The following HYOU1 variants were observed in gnomAD, a reference collection of about 807,000 sequenced individuals.
HYOU1 encodes hypoxia up-regulated 1, also known as hypoxia up-regulated protein 1.
Under a neutral mutation model 120.5 loss-of-function variants are expected in HYOU1, and 40 were observed. The ratio of observed to expected loss-of-function variants is 0.33; its 90% CI spans 0.26 to 0.43. The LOEUF (loss-of-function observed/expected upper bound fraction) is 0.43. HYOU1 is among the 20% of genes least tolerant of loss of function. The pLI, the probability that HYOU1 is intolerant of heterozygous loss-of-function variation, is 1.00. For missense variants in HYOU1, 1,085 were observed against 1,278.3 expected, an observed-to-expected ratio of 0.85 and a Z score of 2.31; for synonymous variants, 501 against 479.4, an observed-to-expected ratio of 1.05 and a Z score of -0.59.
chr11:119,048,263 AAC>A lies in HYOU1; in HGVS notation c.2359_2360del (p.Val787TrpfsTer13). On this transcript the variant is annotated frameshift_variant, in exon 20 of 26. Coordinates refer to ENST00000617285, the MANE Select transcript of HYOU1 (RefSeq NM_006389.5). LOFTEE classifies it high-confidence loss of function. The surrounding 1 kb of genome is among the most constrained non-coding windows in gnomAD (Gnocchi z 4.7). ...GGCCCCTCACCACTGTGGTGGCTCC[AAC>A]ACCCTCATCCTCCAGCCAGGTGGAT... ...AASTWLEDEG[V>X]GATTVMLKEK... 6.2e-7 allele frequency: 1 copy of A among 1,611,438 alleles called. No homozygotes were observed. The highest frequency in any genetic ancestry group is 8.5e-7 in the Non-Finnish European group (1 of 1,179,978).
chr11:119,050,338 G>A (rs1002020570), intron 14 of HYOU1, among the ~76,000 whole-genome samples: 4 of 152,000 alleles, frequency 2.6e-5, no homozygotes, highest in Admixed American at 6.5e-5. Context: ...ACTTGAACCC[G>A]GGAGGCGGAG....
Position 119,051,122 on chromosome 11 carries a change from G to A in HYOU1, c.1578C>T (p.Asp526=). 6.2e-7 allele frequency: 1 copy of A among 1,614,186 alleles called. No homozygotes were observed. Among genetic ancestry groups the A allele is most frequent in the Non-Finnish European group, 8.5e-7 (1 of 1,180,010 alleles). The change falls in exon 14 of 26, where the codon GAC becomes GAT. Residue 526 remains aspartate (D), a synonymous_variant. Coordinates refer to ENST00000617285, the MANE Select transcript of HYOU1 (RefSeq NM_006389.5). The surrounding 1 kb of genome is among the most constrained non-coding windows in gnomAD (Gnocchi z 4.2). The part of the protein sequence containing the change: ...LTTVKLKGVG[D]SFKKYPDYES... ...CGTAGTCAGGATACTTCTTGAAGCT[G>A]TCACCCACCCCTTTTAGCTTCACTG...
rs2133557390 is a variant in HYOU1 at position 119,047,682 on chromosome 11, A to G, written c.2595+52T>C. On this transcript the variant is annotated intron_variant, in intron 22 of 25. Coordinates refer to ENST00000617285, the MANE Select transcript of HYOU1 (RefSeq NM_006389.5). ...GGCTTCATCTCTCCACCTCTCCCAC[A>G]GTACCTAGGATGGCAGCTAAGTATC... The G allele has an allele frequency of 4.0e-5, 58 of 1,457,042 alleles. No homozygotes were observed. In the East Asian group the frequency reaches 1.2e-3, roughly 31 times the overall value. 90.3% of individuals were successfully genotyped at this position (1,457,042 alleles called of 1,614,324 possible).
chr11:119,054,886 G>A, intron 6 of HYOU1, 98 bp downstream of exon 6: 1 of 1,294,962 alleles, frequency 7.7e-7, no homozygotes, highest in Non-Finnish European at 1.1e-6. Context: ...TTCAGATGTT[G>A]CTAAATGTTC....
Position 119,048,217 on chromosome 11 carries a change from T to G in HYOU1, c.2376+31A>C. On this transcript the variant is annotated intron_variant, in intron 20 of 25. Coordinates refer to ENST00000617285, the MANE Select transcript of HYOU1 (RefSeq NM_006389.5). The surrounding 1 kb of genome is among the most constrained non-coding windows in gnomAD (Gnocchi z 4.7). The stretch of plus-strand genomic sequence containing the variant: ...CTGGGAGAGGAAGGAGAGCTCCCAC[T>G]CCACCTGCCATGTCCTGAGAGGCCC... 2 of 1,606,354 alleles carry G rather than the reference T, an allele frequency of 1.2e-6. No homozygotes were observed. The highest frequency in any genetic ancestry group is 8.5e-7 in the Non-Finnish European group (1 of 1,177,088).
chr11:119,046,181 G>T (rs1312144498), intron 24 of HYOU1, among the ~76,000 whole-genome samples: 1 of 151,660 alleles, frequency 6.6e-6, no homozygotes, highest in Non-Finnish European at 1.5e-5. Context: ...GGCCAGGCTG[G>T]TCTCGAACTC....
rs1185020942 is a variant in HYOU1, at chr11:119,052,503, AAGAAT to A, written c.988-79_988-75del. ...TCTTGGTGAGTAGGACAGAAACAAA[AAGAAT>A]AGGTCTTTGGGAGGATGGTAGCGGG... On this transcript the variant is annotated intron_variant, in intron 9 of 25. Coordinates refer to ENST00000617285, the MANE Select transcript of HYOU1 (RefSeq NM_006389.5). This position sits in a 1 kb window ranked among gnomAD's most constrained non-coding sequence, Gnocchi z 5.0. The A allele has an allele frequency of 1.9e-6, 3 of 1,606,530 alleles. No homozygotes were observed. Among genetic ancestry groups the A allele is most frequent in the South Asian group, 1.1e-5 (1 of 90,252 alleles).
chr11:119,054,184 G>A lies in HYOU1; in HGVS notation c.731C>T (p.Thr244Ile), dbSNP rs1365808457. ...GSGSTVCTIV[T>I]YQMVKTKEAG... ...TTCCTTAGTCTTCACCATCTGGTAGGTCACAATGGTGCATACGGTGCTGCC... is the reference window on the plus strand; with the variant it reads ...TTCCTTAGTCTTCACCATCTGGTAGATCACAATGGTGCATACGGTGCTGCC... The change falls in exon 8 of 26, where the codon ACC becomes ATC. Residue 244 changes from threonine (T) to isoleucine (I), a missense_variant. By Grantham distance (89) the Thr-to-Ile change is moderately conservative. This residue lies in a region of HYOU1 where 515 missense variants were observed against 677.8 expected (regional missense o/e 0.76). Transcript: ENST00000617285. 1 of 1,614,084 alleles carries A rather than the reference G, an allele frequency of 6.2e-7. No individual in the cohort carries two copies. Among genetic ancestry groups the A allele is most frequent in the Non-Finnish European group, 8.5e-7 (1 of 1,179,954 alleles).
chr11:119,056,655 TCTC>T (rs1251912902), intron 1 of HYOU1: 1 of 312,834 alleles, frequency 3.2e-6, no homozygotes, highest in African/African-American at 2.2e-5. Flanking sequence ...GAAAGGCCTA[TCTC>T]CTCCTCGGCA....
At chr11:119,047,467 T>G in intron 22 of HYOU1, 1 of 436,486 alleles carries the variant, frequency 2.3e-6, no homozygotes, top group South Asian at 2.4e-5. Flanking sequence ...TGGCCCATGT[T>G]CTGAACCTAG....
Position 119,051,358 on chromosome 11 carries a change from C to T in HYOU1, c.1526+80G>A, listed in dbSNP as rs1450960379. 1.8e-5 allele frequency: 28 copies of T among 1,527,788 alleles called. No individual in the cohort carries two copies. The highest frequency in any genetic ancestry group is 2.4e-5 in the Non-Finnish European group (27 of 1,114,854). The allele number at this position is 1,527,788 out of a possible 1,614,324, so 94.6% of individuals were successfully genotyped here. ...TTCAGCCCCGCAGGCCCACATCCTC[C>T]CTCACCCCCAGTCCTCAGATTATCC... On this transcript the variant is annotated intron_variant, in intron 13 of 25. Transcript: ENST00000617285. This position sits in a 1 kb window ranked among gnomAD's most constrained non-coding sequence, Gnocchi z 4.2.
At chr11:119,046,267 T>A (rs2133548706) in intron 24 of HYOU1, 150 bp downstream of exon 24, 7,145 of 107,720 alleles carry the variant, frequency 0.066, 359 homozygotes, top group African/African-American at 0.39. Context: ...TGCCTGGCCT[T>A]TTTTTTTTTT....
Position 119,044,423 on chromosome 11 carries a change from G to C in HYOU1, c.*1170C>G, listed in dbSNP as rs916654383. ...CACAGCCAGGTTCATTCTTGTCTTGGAGCTGAGGCAGCAGCCCTAGCTCCT... is the reference window on the plus strand; with the variant it reads ...CACAGCCAGGTTCATTCTTGTCTTGCAGCTGAGGCAGCAGCCCTAGCTCCT... On this transcript the variant is annotated 3_prime_UTR_variant, in exon 26 of 26. Transcript: ENST00000617285. 6.6e-6 allele frequency: 1 copy of C among 152,422 alleles called. No homozygotes were observed. The highest frequency in any genetic ancestry group is 6.5e-5 in the Admixed American group (1 of 15,268). The allele number at this position is 152,422 out of a possible 1,614,324, so 9.4% of individuals were successfully genotyped here. A position where few individuals can be genotyped will look rare whatever the true frequency, so the allele number is the denominator to read the frequency against.
At position 119,049,160 on chromosome 11, in the gene HYOU1, C is replaced by T. The variant is rs944041548; in HGVS notation, c.1850G>A (p.Gly617Glu). 4 of 1,611,262 alleles carry T rather than the reference C, an allele frequency of 2.5e-6. No individual in the cohort carries two copies. The African/African-American group carries it at 5.3e-5, about 22-fold the overall frequency. Residue 617 changes from glycine (G) to glutamate (E), a missense_variant, in exon 17 of 26, where the codon GGG becomes GAG. Transcript: ENST00000617285. The stretch of plus-strand genomic sequence containing the variant: ...TTCCTCCTTGAGCTCCACCTGCTCC[C>T]CAGGCTCGTCCTTGCTCCCCTCTGC... ...SPAEGSKDEPGEQVELKEEAE... is the reference protein window; with the variant it reads ...SPAEGSKDEPEEQVELKEEAE...
At position 119,045,496 on chromosome 11, in the gene HYOU1, G is replaced by A. The variant is rs181046821; in HGVS notation, c.*97C>T. On this transcript the variant is annotated 3_prime_UTR_variant, in exon 26 of 26. Coordinates refer to ENST00000617285, the MANE Select transcript of HYOU1 (RefSeq NM_006389.5). Reference sequence around the variant, plus strand: ...CAGGGGTGAGAAAGGAACTCCAGCCGAGGGCAGGACCAACCCCTCCCCCAA... The same window carrying A: ...CAGGGGTGAGAAAGGAACTCCAGCCAAGGGCAGGACCAACCCCTCCCCCAA... 2.1e-5 allele frequency: 22 copies of A among 1,059,338 alleles called. No individual in the cohort carries two copies. Among genetic ancestry groups the A allele is most frequent in the East Asian group, 7.1e-5 (3 of 42,444 alleles). The allele number at this position is 1,059,338 out of a possible 1,614,324, so 65.6% of individuals were successfully genotyped here.
Position 119,055,550 on chromosome 11 carries a change from C to G in HYOU1, c.207G>C (p.Pro69=). ...VLNKESRRKT[P]VIVTLKENER... The stretch of plus-strand genomic sequence containing the variant: ...CATTTTCTTTCAGGGTCACGATCAC[C>G]GGTGTTTTCCTCCGAGATTCCCTGA... The change falls in exon 4 of 26, where the codon CCG becomes CCC. Residue 69 remains proline (P), a synonymous_variant. Coordinates refer to ENST00000617285, the MANE Select transcript of HYOU1 (RefSeq NM_006389.5). The surrounding 1 kb of genome is among the most constrained non-coding windows in gnomAD (Gnocchi z 4.0). 1 of 1,614,052 alleles carries G rather than the reference C, an allele frequency of 6.2e-7. No individual in the cohort carries two copies. The highest frequency in any genetic ancestry group is 8.5e-7 in the Non-Finnish European group (1 of 1,179,982).
At position 119,048,583 on chromosome 11, in the gene HYOU1, T is replaced by C; in HGVS notation, c.2166-20A>G. The C allele has an allele frequency of 1.2e-6, 2 of 1,612,896 alleles. No homozygotes were observed. Among genetic ancestry groups the C allele is most frequent in the Non-Finnish European group, 1.7e-6 (2 of 1,179,226 alleles). On this transcript the variant is annotated intron_variant, in intron 18 of 25. Transcript: ENST00000617285. The surrounding 1 kb of genome is among the most constrained non-coding windows in gnomAD (Gnocchi z 4.7). ...TGAAGTCTATGGGACAAAGGAGGGGTAGGGATGAGGGAGAGGGCAAGTGAG... is the reference window on the plus strand; with the variant it reads ...TGAAGTCTATGGGACAAAGGAGGGGCAGGGATGAGGGAGAGGGCAAGTGAG...
In HYOU1 at chr11:119,044,740, G is replaced by C. The variant is rs1335864071; in HGVS notation, c.*853C>G. On this transcript the variant is annotated 3_prime_UTR_variant, in exon 26 of 26. Transcript: ENST00000617285. The stretch of plus-strand genomic sequence containing the variant: ...GGAGGAGCAGAACAGCAGAAGAGAG[G>C]AGGAGGCAGGGAGTTACAGGAACCT... 5.0e-6 allele frequency: 1 copy of C among 199,674 alleles called. No individual in the cohort carries two copies. Among genetic ancestry groups the C allele is most frequent in the Non-Finnish European group, 1.1e-5 (1 of 93,452 alleles). 12.4% of individuals were successfully genotyped at this position (199,674 alleles called of 1,614,324 possible).
intron 16 of HYOU1, 60 bp downstream of exon 16, chr11:119,049,496 C>T (rs2133573312): frequency 1.1e-5 from 17 of 1,583,610 alleles, no homozygotes; most frequent in Middle Eastern, 1.7e-4. Context: ...CCTTCCTCTG[C>T]GGCTACTACC....
Sources: allele counts gnomAD v4.1 joint callset (sites outside exome capture counted in the v4.1 genomes callset), GRCh38; gene constraint gnomAD v4.1.1; regional missense constraint gnomAD v4.1.1; non-coding constraint Gnocchi (gnomAD v3.1); transcripts MANE v1.5; gene names NCBI Gene and HGNC (gene_info 2026-07-23, HGNC 2026-07-21).